Variants in CAST observed in about 807,000 individuals in gnomAD.
CAST encodes the protein MIR583 host.
In CAST, 76 loss-of-function variants were observed where a neutral mutation model predicts 119.6. That is an observed-to-expected ratio of 0.64 (90% confidence interval 0.53 to 0.77). CAST has a LOEUF of 0.77. CAST is among the 30% of genes least tolerant of loss of function. The pLI, the probability that CAST is intolerant of heterozygous loss-of-function variation, is 0.00. For missense variants in CAST, 953 were observed against 946.5 expected (o/e 1.01, Z -0.09); for synonymous variants, 319 against 331.6 (o/e 0.96, Z 0.41).
chr5:96,545,502 A>G (rs1390577848), intron 1 of CAST, among the ~76,000 whole-genome samples: 2 of 152,188 alleles, frequency 1.3e-5, no homozygotes, highest in African/African-American at 2.4e-5. Context: ...TTTCATTCCA[A>G]TAGAAATAAA....
intron 3 of CAST, among the ~76,000 whole-genome samples, chr5:96,706,087 G>T (rs1754907365): frequency 6.6e-6 from 1 of 152,100 alleles, no homozygotes; most frequent in East Asian, 1.9e-4. Context: ...ATATTTATTG[G>T]ATTGGAAAAA....
At chr5:96,088,649 A>G in the CAST span, among the ~76,000 whole-genome samples, 1 of 152,184 alleles carries the variant, frequency 6.6e-6, no homozygotes, top group Non-Finnish European at 1.5e-5. Flanking sequence ...GGAAAATATA[A>G]TGGAGGATGT....
At chr5:96,393,057 G>T in the CAST span, 1 of 1,614,060 alleles carries the variant, frequency 6.2e-7, no homozygotes, top group Non-Finnish European at 8.5e-7. Flanking sequence ...TCGTCTCTGT[G>T]CTTGTAAGGT....
intron 24 of CAST, among the ~76,000 whole-genome samples, chr5:96,760,053 G>C (rs2150655485): frequency 6.6e-6 from 1 of 152,150 alleles, no homozygotes; most frequent in African/African-American, 2.4e-5. Flanking sequence ...GTTTAAAGAT[G>C]ACTCTAACTG....
At chr5:96,440,582 G>T in the CAST span, among the ~76,000 whole-genome samples, 1 of 152,024 alleles carries the variant, frequency 6.6e-6, no homozygotes, top group East Asian at 1.9e-4. Flanking sequence ...GGGGAGGTGG[G>T]TAGGATAAAT....
At chr5:96,333,350 GA>G in the CAST span, among the ~76,000 whole-genome samples, 1 of 152,072 alleles carries the variant, frequency 6.6e-6, no homozygotes, top group Non-Finnish European at 1.5e-5. Flanking sequence ...CTTGGAAAAA[GA>G]AAAACCAGAA....
chr5:96,737,554 G>A (rs942269125), intron 10 of CAST, among the ~76,000 whole-genome samples: 8 of 152,042 alleles, frequency 5.3e-5, no homozygotes, highest in African/African-American at 1.9e-4. Flanking sequence ...TCAGTGCATC[G>A]GACTGGCAGC....
the CAST span, among the ~76,000 whole-genome samples, chr5:96,025,003 G>T: frequency 6.6e-6 from 1 of 152,094 alleles, no homozygotes; most frequent in Non-Finnish European, 1.5e-5. Flanking sequence ...TTCTGCTCCT[G>T]AGTCTCAGTA....
At chr5:96,006,231 T>C in the CAST span, among the ~76,000 whole-genome samples, 1 of 152,112 alleles carries the variant, frequency 6.6e-6, no homozygotes, top group Non-Finnish European at 1.5e-5. Flanking sequence ...TCAATGAAAA[T>C]ATCTGGCTAG....
the CAST span, among the ~76,000 whole-genome samples, chr5:96,060,933 G>T: frequency 6.6e-6 from 1 of 152,114 alleles, no homozygotes; most frequent in African/African-American, 2.4e-5. Context: ...CTTGCAGATG[G>T]CTGGCTTCTC....
the CAST span, among the ~76,000 whole-genome samples, chr5:96,008,230 A>C: frequency 6.6e-6 from 1 of 152,198 alleles, no homozygotes; most frequent in Non-Finnish European, 1.5e-5. Flanking sequence ...AGAACTGGGC[A>C]ATTATCAAAC....
intron 1 of CAST, among the ~76,000 whole-genome samples, chr5:96,637,386 T>C (rs182733779): frequency 2.6e-5 from 4 of 152,228 alleles, no homozygotes; most frequent in Non-Finnish European, 4.4e-5. Flanking sequence ...CATGGATTTA[T>C]ACTACCTTTC....
chr5:96,249,193 A>G, the CAST span, among the ~76,000 whole-genome samples: 1 of 152,344 alleles, frequency 6.6e-6, no homozygotes, highest in East Asian at 1.9e-4. Context: ...TTTAAAATTG[A>G]CAGGTTATCT....
chr5:96,622,993 A>C (rs1017868637), intron 1 of CAST, among the ~76,000 whole-genome samples: 1 of 150,218 alleles, frequency 6.7e-6, no homozygotes, highest in African/African-American at 2.5e-5. Flanking sequence ...CCTCCTGAGT[A>C]GCTGGGACTA....
chr5:96,040,979 C>T, the CAST span, among the ~76,000 whole-genome samples: 2 of 152,074 alleles, frequency 1.3e-5, no homozygotes, highest in African/African-American at 4.8e-5. Context: ...TTGTAGAATT[C>T]GGCTGTGAAT....
chr5:96,575,655 T>G lies in CAST; in HGVS notation c.60+45775T>G, dbSNP rs556321732. On this transcript the variant is annotated intron_variant, in intron 1 of 11. Coordinates refer to the CAST transcript ENST00000505143. Reference sequence around the variant, plus strand: ...TTACAATTTTTGTTTTTTGTTTTTTTTTTTTAAGACGGAGTCTCACTCTGT... The same window carrying G: ...TTACAATTTTTGTTTTTTGTTTTTTGTTTTTAAGACGGAGTCTCACTCTGT... 1.5e-3 allele frequency among the ~76,000 whole-genome samples: 224 copies of G among 152,144 alleles called. 1 individual carries two copies. Among genetic ancestry groups the G allele is most frequent in the Non-Finnish European group, 1.9e-3 (128 of 67,994 alleles).
chr5:96,386,555 C>T, the CAST span, among the ~76,000 whole-genome samples: 1 of 152,224 alleles, frequency 6.6e-6, no homozygotes, highest in Non-Finnish European at 1.5e-5. Flanking sequence ...CAGATAAGAG[C>T]TACAAATTCA....
the CAST span, among the ~76,000 whole-genome samples, chr5:96,470,663 A>G: frequency 2.8e-4 from 43 of 152,008 alleles, 1 homozygote; most frequent in Admixed American, 2.8e-3. Context: ...TATGTGAATA[A>G]CTCTAATAGC....
intron 1 of CAST, among the ~76,000 whole-genome samples, chr5:96,568,968 C>A (rs962423791): frequency 3.9e-5 from 6 of 152,120 alleles, no homozygotes; most frequent in Admixed American, 6.5e-5. Context: ...AGTGGGCTGG[C>A]ACAAGGCAGC....
Sources: allele counts gnomAD v4.1 joint callset (sites outside exome capture counted in the v4.1 genomes callset), GRCh38; gene constraint gnomAD v4.1.1; transcripts MANE v1.5; gene names NCBI Gene and HGNC (gene_info 2026-07-23, HGNC 2026-07-21).